Variants in INTS7 observed in about 807,000 individuals in gnomAD.
The protein encoded by INTS7 is chromosome 1 open reading frame 73.
Under a neutral mutation model 109.2 loss-of-function variants are expected in INTS7, and 46 were observed. The ratio of observed to expected loss-of-function variants is 0.42; its 90% CI spans 0.33 to 0.54. The LOEUF (loss-of-function observed/expected upper bound fraction) is 0.54, where lower values mean the gene tolerates loss of function less well. Among genes scored for constraint, INTS7 ranks in the 20% least tolerant of loss-of-function variants. The pLI is 0.07. For synonymous variants in INTS7, 412 were observed against 402.9 expected, an observed-to-expected ratio of 1.02 and a Z score of -0.27; for missense variants, 929 against 1,132.4, an observed-to-expected ratio of 0.82 and a Z score of 2.58.
intron 16 of INTS7, among the ~76,000 whole-genome samples, chr1:211,960,268 T>A (rs778785187): frequency 4.6e-5 from 7 of 151,280 alleles, no homozygotes; most frequent in Non-Finnish European, 7.4e-5. Context: ...AATCAAACTC[T>A]CAAGGTCATC....
chr1:212,021,265 T>A, intron 1 of INTS7, 53 bp from the exon 2 acceptor site: 1 of 1,511,092 alleles, frequency 6.6e-7, no homozygotes, highest in East Asian at 2.3e-5. Flanking sequence ...TATTTGTGGC[T>A]ACAAAGCAAA....
chr1:211,988,096 A>G (rs1664974657), intron 7 of INTS7, 93 bp from the exon 8 acceptor site: 1 of 626,772 alleles, frequency 1.6e-6, no homozygotes, highest in Non-Finnish European at 2.6e-6. Flanking sequence ...TTTTAGAAAA[A>G]TTATATATTA....
rs764447367 is a variant in INTS7 at position 211,978,459 on chromosome 1, T to C, written c.1283A>G (p.Gln428Arg). The change falls in exon 11 of 20, where the codon CAG becomes CGG. Residue 428 changes from glutamine (Q) to arginine (R), a missense_variant. Physicochemically the swap from Gln to Arg is conservative, Grantham distance 43. Transcript: ENST00000366994. ...KLAKGRPHLS[Q>R]SVVETLLTQL... ...AGTCAACAAGGTCTCAACTACTGAC[T>C]GGCTAAGATGGGGCCTGCCCTTGGC... The C allele has an allele frequency of 6.2e-7, 1 of 1,614,202 alleles. No individual in the cohort carries two copies. Among genetic ancestry groups the C allele is most frequent in the East Asian group, 2.2e-5 (1 of 44,886 alleles).
intron 16 of INTS7, among the ~76,000 whole-genome samples, chr1:211,963,703 A>T (rs1284922169): frequency 6.6e-6 from 1 of 152,262 alleles, no homozygotes. Context: ...AATAAATGTG[A>T]TTCATCACAT....
chr1:211,974,951 C>G (rs576251964), intron 13 of INTS7, among the ~76,000 whole-genome samples: 2 of 152,290 alleles, frequency 1.3e-5, no homozygotes, highest in East Asian at 3.9e-4. Context: ...CAGCAATCCT[C>G]TTCACATGTG....
At chr1:212,000,564 AC>A (rs1272030927) in intron 7 of INTS7, among the ~76,000 whole-genome samples, 1 of 152,216 alleles carries the variant, frequency 6.6e-6, no homozygotes, top group Admixed American at 6.5e-5. Context: ...ACTTACAGCT[AC>A]CCTTAAAAAA....
chr1:212,031,584 T>C (rs766207909), intron 1 of INTS7, among the ~76,000 whole-genome samples: 17 of 152,356 alleles, frequency 1.1e-4, no homozygotes, highest in Non-Finnish European at 2.5e-4. Context: ...CCACATTTGA[T>C]CTAGCATTGT....
intron 3 of INTS7, among the ~76,000 whole-genome samples, chr1:212,018,861 C>T (rs554009467): frequency 2.6e-5 from 4 of 152,262 alleles, no homozygotes; most frequent in Non-Finnish European, 4.4e-5. Context: ...ATACTATAAT[C>T]ATCTATATAC....
chr1:212,032,715 G>A (rs537861085), intron 1 of INTS7, among the ~76,000 whole-genome samples: 3 of 152,194 alleles, frequency 2.0e-5, no homozygotes, highest in East Asian at 1.9e-4. Context: ...TCCTGACTTC[G>A]TGATCCGCCC....
chr1:212,000,577 C>T (rs1239651684), intron 7 of INTS7, among the ~76,000 whole-genome samples: 3 of 152,154 alleles, frequency 2.0e-5, no homozygotes, highest in African/African-American at 7.2e-5. Flanking sequence ...CTTAAAAAAG[C>T]ATTTATTTGT....
At chr1:212,032,946 C>T (rs1667237934) in intron 1 of INTS7, among the ~76,000 whole-genome samples, 1 of 152,192 alleles carries the variant, frequency 6.6e-6, no homozygotes, top group South Asian at 2.1e-4. Context: ...AGCCCCAGAT[C>T]AGTTTTCTCC....
At chr1:211,976,836 T>C (rs756597635) in intron 11 of INTS7, 117 bp from the exon 12 acceptor site, 37 of 874,728 alleles carry the variant, frequency 4.2e-5, no homozygotes, top group Non-Finnish European at 6.6e-5. Context: ...ACAAAATTTG[T>C]TTTCCAATGA....
chr1:211,946,797 A>G lies in INTS7; in HGVS notation c.2317-92T>C. The stretch of plus-strand genomic sequence containing the variant: ...TCAGTATAAAACTACAAATGCCCAT[A>G]TAGATTATTACAAAGGTACATACCA... On this transcript the variant is annotated intron_variant, in intron 17 of 19. Coordinates refer to ENST00000366994, the MANE Select transcript of INTS7 (RefSeq NM_015434.4). The surrounding 1 kb of genome is among the most constrained non-coding windows in gnomAD (Gnocchi z 4.3). 1 of 776,102 alleles carries G rather than the reference A, an allele frequency of 1.3e-6. No individual in the cohort carries two copies. Among genetic ancestry groups the G allele is most frequent in the Non-Finnish European group, 2.1e-6 (1 of 475,590 alleles). 48.1% of individuals were successfully genotyped at this position (776,102 alleles called of 1,614,324 possible). A position where few individuals can be genotyped will look rare whatever the true frequency, so the allele number is the denominator to read the frequency against.
At chr1:211,952,510 A>C in intron 17 of INTS7, 59 bp downstream of exon 17, 2 of 1,554,862 alleles carry the variant, frequency 1.3e-6, no homozygotes, top group Non-Finnish European at 1.8e-6. Context: ...TAAGTGCCAT[A>C]AATGTATGAA....
At position 212,016,924 on chromosome 1, in the gene INTS7, A is replaced by G; in HGVS notation, c.471T>C (p.Ala157=). 1 of 1,608,572 alleles carries G rather than the reference A, an allele frequency of 6.2e-7. No homozygotes were observed. The highest frequency in any genetic ancestry group is 8.5e-7 in the Non-Finnish European group (1 of 1,177,842). Reference sequence around the variant, plus strand: ...AGAAGTTTGCAGCAGCAAAAACAGCAGCTTCAACTTCTACATTATCATGTG... The same window carrying G: ...AGAAGTTTGCAGCAGCAAAAACAGCGGCTTCAACTTCTACATTATCATGTG... ...LDSHDNVEVE[A]AVFAAANFSA... The change falls in exon 4 of 20, where the codon GCT becomes GCC. Residue 157 remains alanine (A), a synonymous_variant. Coordinates refer to ENST00000366994, the MANE Select transcript of INTS7 (RefSeq NM_015434.4).
intron 11 of INTS7, 135 bp from the exon 12 acceptor site, chr1:211,976,854 T>C: frequency 2.7e-6 from 2 of 744,736 alleles, no homozygotes; most frequent in South Asian, 1.9e-5. Context: ...TGACATTTAT[T>C]TAATTTTTTA....
chr1:211,955,758 T>C (rs969281516), intron 16 of INTS7, among the ~76,000 whole-genome samples: 3 of 152,230 alleles, frequency 2.0e-5, no homozygotes, highest in Non-Finnish European at 4.4e-5. Flanking sequence ...GGCATCATTA[T>C]CTACCTACAG....
At position 211,946,744 on chromosome 1, in the gene INTS7, T is replaced by G. The variant is rs1190036570; in HGVS notation, c.2317-39A>C. 3 of 1,429,832 alleles carry G rather than the reference T, an allele frequency of 2.1e-6. No homozygotes were observed. The highest frequency in any genetic ancestry group is 2.9e-6 in the Non-Finnish European group (3 of 1,024,758). 88.6% of individuals were successfully genotyped at this position (1,429,832 alleles called of 1,614,324 possible). On this transcript the variant is annotated intron_variant, in intron 17 of 19. Transcript: ENST00000366994. The surrounding 1 kb of genome is among the most constrained non-coding windows in gnomAD (Gnocchi z 4.3). ...GAAACTAAATCAAATAAAAATAAAT[T>G]TTCAAATTTCATCAACAAGTGGTAC...
intron 7 of INTS7, among the ~76,000 whole-genome samples, chr1:211,993,355 G>C (rs1665225684): frequency 2.6e-5 from 4 of 152,194 alleles, no homozygotes; most frequent in Admixed American, 2.0e-4. Context: ...CTCTGTAACA[G>C]AGAGGTTGCA....
Sources: gnomAD v4.1 joint callset for allele counts (sites outside exome capture counted in the v4.1 genomes callset) on GRCh38, gnomAD v4.1.1 for gene constraint, Gnocchi (gnomAD v3.1) non-coding constraint, MANE v1.5 for transcripts, NCBI Gene and HGNC (gene_info 2026-07-23, HGNC 2026-07-21) for gene names.